HDAC9: variants seen among roughly 807,000 people sequenced by gnomAD.
HDAC9 encodes histone deacetylase 9.
Under a neutral mutation model 139.4 loss-of-function variants are expected in HDAC9, and 41 were observed. The observed-to-expected ratio is 0.29, with a 90% CI of 0.23 to 0.38. The LOEUF (loss-of-function observed/expected upper bound fraction) is 0.38, where lower values mean the gene tolerates loss of function less well. Among genes scored for constraint, HDAC9 ranks in the 10% least tolerant of loss-of-function variants. The pLI, the probability that HDAC9 is intolerant of heterozygous loss-of-function variation, is 1.00. For synonymous variants in HDAC9, 517 were observed against 476.2 expected (o/e 1.09, Z -1.12); for missense variants, 1,147 against 1,297.0 (o/e 0.88, Z 1.78).
chr7:18,438,166 A>G (rs1270997254), intron 1 of HDAC9, among the ~76,000 whole-genome samples: 5 of 151,908 alleles, frequency 3.3e-5, no homozygotes, highest in African/African-American at 1.2e-4. Context: ...GAATATAAAC[A>G]TGAACAAAGG....
chr7:18,916,851 C>T (rs1191419082), intron 22 of HDAC9, among the ~76,000 whole-genome samples: 1 of 152,012 alleles, frequency 6.6e-6, no homozygotes, highest in Non-Finnish European at 1.5e-5. Flanking sequence ...TGGGAATATC[C>T]TAAGTTTAAT....
chr7:18,195,890 A>G (rs1467812211), intron 2 of HDAC9, among the ~76,000 whole-genome samples: 6 of 152,082 alleles, frequency 3.9e-5, no homozygotes, highest in Non-Finnish European at 8.8e-5. Context: ...TATTGGTTAA[A>G]AAATTGGTTA....
At chr7:18,373,557 G>A (rs2128704676) in intron 1 of HDAC9, among the ~76,000 whole-genome samples, 1 of 152,232 alleles carries the variant, frequency 6.6e-6, no homozygotes, top group Middle Eastern at 3.4e-3. Flanking sequence ...CTTTCTTTTT[G>A]TTTGAATATT....
At chr7:18,387,929 A>G (rs1786092409) in intron 1 of HDAC9, among the ~76,000 whole-genome samples, 1 of 148,440 alleles carries the variant, frequency 6.7e-6, no homozygotes, top group South Asian at 2.1e-4. Flanking sequence ...AGAGGACAAA[A>G]TAATCTGTGG....
intron 16 of HDAC9, among the ~76,000 whole-genome samples, chr7:18,770,837 C>T (rs1404147333): frequency 6.6e-6 from 1 of 152,124 alleles, no homozygotes. Flanking sequence ...GGCTCTCAAG[C>T]TGTGCTGGGG....
rs911529440 is a variant in HDAC9, at chr7:18,987,603, C to T, written c.3171-8420C>T. 5.3e-5 allele frequency among the ~76,000 whole-genome samples: 8 copies of T among 152,134 alleles called. No homozygotes were observed. The East Asian group carries it at 7.7e-4, about 15-fold the overall frequency. On this transcript the variant is annotated intron_variant, in intron 25 of 25. Transcript: ENST00000686413. ...TCATAAAATGAGTTAGGGAGGATTC[C>T]CTCTTTTTCTATTGATTGGCATAGT...
At chr7:18,804,445 G>C (rs1585066511) in intron 17 of HDAC9, among the ~76,000 whole-genome samples, 1 of 151,918 alleles carries the variant, frequency 6.6e-6, no homozygotes, top group Admixed American at 6.6e-5. Context: ...AAAAATGAAG[G>C]GTCTATTTCT....
intron 16 of HDAC9, among the ~76,000 whole-genome samples, chr7:18,780,500 T>G (rs538381207): frequency 6.6e-6 from 1 of 152,034 alleles, no homozygotes; most frequent in South Asian, 2.1e-4. Flanking sequence ...TCACAGTTGT[T>G]GTTGGATGAT....
At chr7:18,141,106 C>T (rs1328741517) in intron 1 of HDAC9, among the ~76,000 whole-genome samples, 3 of 152,096 alleles carry the variant, frequency 2.0e-5, no homozygotes, top group Admixed American at 2.0e-4. Flanking sequence ...GAACTGAGGG[C>T]CCTGCTGAAG....
rs1792899385 is a variant in HDAC9 at position 18,451,840 on chromosome 7, GAA to G, written c.-41-44419_-41-44418del. Reference sequence around the variant, plus strand: ...GTCCCTAGGAAAAGCTTCACTCAAAGAAAAGAGTCTGGCTCAGTGACCTGGAA... The same window carrying G: ...GTCCCTAGGAAAAGCTTCACTCAAAGAAGAGTCTGGCTCAGTGACCTGGAA... On this transcript the variant is annotated intron_variant, in intron 1 of 3. Transcript: ENST00000413509. Among the ~76,000 whole-genome samples, 10 of 152,132 alleles carry G rather than the reference GAA, an allele frequency of 6.6e-5. No homozygotes were observed. In the South Asian group the frequency reaches 1.9e-3, roughly 28 times the overall value.
At chr7:18,206,047 AT>A (rs1791488222) in intron 2 of HDAC9, among the ~76,000 whole-genome samples, 1 of 152,136 alleles carries the variant, frequency 6.6e-6, no homozygotes, top group Non-Finnish European at 1.5e-5. Flanking sequence ...AAAATTTTGA[AT>A]AGTTGCTTTT....
chr7:18,871,354 T>A (rs952947080), intron 21 of HDAC9, among the ~76,000 whole-genome samples: 1 of 152,106 alleles, frequency 6.6e-6, no homozygotes. Flanking sequence ...ATCAACCACT[T>A]CTCCAAGGAT....
chr7:18,464,858 A>G (rs1461503399), intron 1 of HDAC9, among the ~76,000 whole-genome samples: 1 of 152,054 alleles, frequency 6.6e-6, no homozygotes, highest in East Asian at 1.9e-4. Flanking sequence ...GATTTAGTAG[A>G]TTGTCAAACC....
intron 21 of HDAC9, among the ~76,000 whole-genome samples, chr7:18,843,640 T>C (rs1438850723): frequency 6.6e-6 from 1 of 151,300 alleles, no homozygotes; most frequent in East Asian, 1.9e-4. Flanking sequence ...CAAATTTCAA[T>C]GTCTTTGGGT....
intron 25 of HDAC9, among the ~76,000 whole-genome samples, chr7:18,994,027 C>T (rs1786243830): frequency 6.6e-6 from 1 of 152,198 alleles, no homozygotes. Context: ...TAATTTTTGG[C>T]AGTGAGTGGG....
At chr7:18,741,154 A>T (rs1008759824) in intron 13 of HDAC9, among the ~76,000 whole-genome samples, 3 of 152,266 alleles carry the variant, frequency 2.0e-5, no homozygotes, top group African/African-American at 7.2e-5. Flanking sequence ...GTTGGTGAAG[A>T]TGGCTACACT....
At chr7:18,935,679 A>G in intron 22 of HDAC9, 130 bp from the exon 23 acceptor site, 2 of 760,364 alleles carry the variant, frequency 2.6e-6, no homozygotes, top group Non-Finnish European at 4.4e-6. Context: ...AGTTATTTTA[A>G]GTATTGGATG....
intron 1 of HDAC9, among the ~76,000 whole-genome samples, chr7:18,303,425 T>TGTGTGTGTGTGTGTGTG (rs1554364291): frequency 2.9e-5 from 2 of 69,126 alleles, no homozygotes; most frequent in African/African-American, 1.7e-4. Flanking sequence ...GTGTGTGTGT[T>TGTGTGTGTGTGTGTGTG]TTTAGTAGAG....
At chr7:18,492,159 T>C (rs1189533679), upstream of HDAC9, among the ~76,000 whole-genome samples, 1 of 151,978 alleles carries the variant, frequency 6.6e-6, no homozygotes, top group Non-Finnish European at 1.5e-5. Flanking sequence ...ATTTTAATAT[T>C]TCGAGATTGT....
Sources: gnomAD v4.1 joint callset for allele counts (sites outside exome capture counted in the v4.1 genomes callset) on GRCh38, gnomAD v4.1.1 for gene constraint, MANE v1.5 for transcripts, NCBI Gene and HGNC (gene_info 2026-07-23, HGNC 2026-07-21) for gene names.